Variants in ASTN2 observed in about 807,000 individuals in gnomAD.
ASTN2 encodes the protein astrotactin 2.
ASTN2 carries 54 observed loss-of-function variants against 139.8 expected under a neutral mutation model. The ratio of observed to expected loss-of-function variants is 0.39; its 90% CI spans 0.31 to 0.48. ASTN2 has a LOEUF of 0.48. Ranked by LOEUF, ASTN2 falls within the 20% of genes least tolerant of loss-of-function variation. The pLI, the probability that ASTN2 is intolerant of heterozygous loss-of-function variation, is 0.95. For missense variants in ASTN2, 1,565 were observed against 1,725.1 expected, an observed-to-expected ratio of 0.91 and a Z score of 1.64; for synonymous variants, 756 against 719.5, an observed-to-expected ratio of 1.05 and a Z score of -0.81.
chr9:117,346,634 T>C (rs1254966934), intron 1 of ASTN2, among the ~76,000 whole-genome samples: 1 of 152,112 alleles, frequency 6.6e-6, no homozygotes, highest in Non-Finnish European at 1.5e-5. Context: ...AGCAATTAAA[T>C]ATGGGGAAAA....
Position 116,698,813 on chromosome 9 carries a change from T to C in ASTN2, c.2806+26958A>G. On this transcript the variant is annotated intron_variant, in intron 16 of 22. Transcript: ENST00000313400. The surrounding 1 kb of genome is among the most constrained non-coding windows in gnomAD (Gnocchi z 4.4). ...CCTCCAATATCCAGCAGTGCCTCTT[T>C]CTCAAGAAGATGGGGGCCAAAGGCA... is the stretch of plus-strand genomic sequence containing the variant. 6.2e-7 allele frequency: 1 copy of C among 1,614,178 alleles called. No individual in the cohort carries two copies. Among genetic ancestry groups the C allele is most frequent in the Non-Finnish European group, 8.5e-7 (1 of 1,180,040 alleles).
Position 116,425,593 on chromosome 9 carries a change from A to T in ASTN2, c.*258T>A, listed in dbSNP as rs932377608. 1 of 1,613,348 alleles carries T rather than the reference A, an allele frequency of 6.2e-7. No homozygotes were observed. The highest frequency in any genetic ancestry group is 1.3e-5 in the African/African-American group (1 of 74,824). On this transcript the variant is annotated 3_prime_UTR_variant, in exon 23 of 23. Coordinates refer to ENST00000313400, the MANE Select transcript of ASTN2 (RefSeq NM_001365068.1). ...ACAGCCATCCATAAGAAAAGGTTTAAAAAGGAGAGACTTTTGATAGAGTCA... is the reference window on the plus strand; with the variant it reads ...ACAGCCATCCATAAGAAAAGGTTTATAAAGGAGAGACTTTTGATAGAGTCA...
intron 16 of ASTN2, among the ~76,000 whole-genome samples, chr9:116,659,648 T>C (rs1475639872): frequency 1.3e-5 from 2 of 152,124 alleles, no homozygotes; most frequent in Non-Finnish European, 2.9e-5. Flanking sequence ...CCGTTCCAAA[T>C]ATTTGTATCT....
chr9:116,680,572 A>C (rs1859790996), intron 16 of ASTN2, among the ~76,000 whole-genome samples: 1 of 152,188 alleles, frequency 6.6e-6, no homozygotes, highest in Non-Finnish European at 1.5e-5. Flanking sequence ...ACACAACCAA[A>C]AAGGAGAATT....
intron 5 of ASTN2, among the ~76,000 whole-genome samples, chr9:117,063,257 G>A (rs1201407081): frequency 6.6e-6 from 1 of 152,120 alleles, no homozygotes; most frequent in African/African-American, 2.4e-5. Context: ...ACCATTTGGG[G>A]CTCATCTGAA....
chr9:116,985,854 C>T (rs11788899), intron 7 of ASTN2, among the ~76,000 whole-genome samples: 1 of 152,138 alleles, frequency 6.6e-6, no homozygotes, highest in Non-Finnish European at 1.5e-5. Context: ...CTCTAAGCTT[C>T]TCAGATGCAC....
chr9:116,587,346 T>TA (rs1373615741), intron 19 of ASTN2, among the ~76,000 whole-genome samples: 78 of 126,180 alleles, frequency 6.2e-4, no homozygotes, highest in Non-Finnish European at 1.0e-3. Context: ...ATCTCAAATT[T>TA]AAAAAAAAAA....
intron 20 of ASTN2, among the ~76,000 whole-genome samples, chr9:116,471,437 C>T (rs544610116): frequency 6.6e-6 from 1 of 152,284 alleles, no homozygotes; most frequent in African/African-American, 2.4e-5. Flanking sequence ...AGGGCCTCTC[C>T]CTCCCCTTCA....
Position 117,264,956 on chromosome 9 carries a change from T to C in ASTN2, c.630+26370A>G, listed in dbSNP as rs188545722. On this transcript the variant is annotated intron_variant, in intron 2 of 22. Coordinates refer to ENST00000313400, the MANE Select transcript of ASTN2 (RefSeq NM_001365068.1). ...CAACATCTAAGCTGAGATGTTTTCCTCCTATAAGTAAGAAATGTAGGCTCA... is the reference window on the plus strand; with the variant it reads ...CAACATCTAAGCTGAGATGTTTTCCCCCTATAAGTAAGAAATGTAGGCTCA... Among the ~76,000 whole-genome samples the C allele has an allele frequency of 1.6e-3, 237 of 152,340 alleles. 2 individuals carry two copies. The highest frequency in any genetic ancestry group is 5.3e-3 in the African/African-American group (220 of 41,574).
At chr9:116,681,606 G>C (rs527321841) in intron 16 of ASTN2, among the ~76,000 whole-genome samples, 1 of 152,062 alleles carries the variant, frequency 6.6e-6, no homozygotes. Context: ...GAAGCATCAC[G>C]CTACCTGACT....
chr9:116,443,867 C>T (rs1460440477), intron 20 of ASTN2, among the ~76,000 whole-genome samples: 1 of 152,142 alleles, frequency 6.6e-6, no homozygotes, highest in Non-Finnish European at 1.5e-5. Flanking sequence ...CTTCCCTCCT[C>T]CCTTGCATCT....
chr9:117,374,369 T>TAAAAAAAAAAAAAAAAAAAAAAAAAA (rs57428022), intron 1 of ASTN2, among the ~76,000 whole-genome samples: 11 of 87,336 alleles, frequency 1.3e-4, no homozygotes, highest in African/African-American at 6.1e-4. Flanking sequence ...AGGGCAGGGT[T>TAAAAAAAAAAAAAAAAAAAAAAAAAA]AAAAAAAAAA....
intron 19 of ASTN2, among the ~76,000 whole-genome samples, chr9:116,498,927 G>C (rs1849762602): frequency 1.3e-5 from 2 of 152,138 alleles, no homozygotes; most frequent in African/African-American, 2.4e-5. Flanking sequence ...AAAAAAGTTG[G>C]GGTATGAGGA....
chr9:117,374,446 A>T (rs1261917056), intron 1 of ASTN2, among the ~76,000 whole-genome samples: 1 of 152,014 alleles, frequency 6.6e-6, no homozygotes, highest in East Asian at 1.9e-4. Flanking sequence ...TTACAAAGAC[A>T]ATGGATGAAA....
intron 2 of ASTN2, among the ~76,000 whole-genome samples, chr9:117,247,450 A>G (rs890556503): frequency 1.3e-5 from 2 of 152,170 alleles, no homozygotes; most frequent in Non-Finnish European, 2.9e-5. Context: ...GTCCCCACTG[A>G]GTAGCCTCTC....
intron 19 of ASTN2, among the ~76,000 whole-genome samples, chr9:116,579,249 T>A (rs1424958775): frequency 6.6e-6 from 1 of 152,168 alleles, no homozygotes; most frequent in Non-Finnish European, 1.5e-5. Flanking sequence ...CAGATGAAAA[T>A]GCAGGAAGAT....
chr9:117,012,128 T>C (rs6478270), intron 6 of ASTN2, among the ~76,000 whole-genome samples: 46,298 of 152,138 alleles, frequency 0.3, 7,676 homozygotes, highest in African/African-American at 0.43. Flanking sequence ...CATGCTTGAC[T>C]AGAGGGAAGT....
chr9:116,675,681 C>T (rs892182726), intron 16 of ASTN2, among the ~76,000 whole-genome samples: 1 of 152,142 alleles, frequency 6.6e-6, no homozygotes. Flanking sequence ...TGAAGGGGAT[C>T]TCAGAAGGAA....
intron 1 of ASTN2, among the ~76,000 whole-genome samples, chr9:117,311,689 T>C (rs1564140517): frequency 6.6e-6 from 1 of 152,204 alleles, no homozygotes; most frequent in Non-Finnish European, 1.5e-5. Context: ...ATTCATTCTT[T>C]TTAATTGTCC....
Sources: gnomAD v4.1 joint callset for allele counts (sites outside exome capture counted in the v4.1 genomes callset) on GRCh38, gnomAD v4.1.1 for gene constraint, Gnocchi (gnomAD v3.1) non-coding constraint, MANE v1.5 for transcripts, NCBI Gene and HGNC (gene_info 2026-07-23, HGNC 2026-07-21) for gene names.